BCKDHB: variants seen among roughly 807,000 people sequenced by gnomAD.
BCKDHB encodes 2-oxoisovalerate dehydrogenase subunit beta, mitochondrial.
BCKDHB carries 41 observed loss-of-function variants against 48.5 expected under a neutral mutation model. That is an observed-to-expected ratio of 0.85 (90% CI 0.66 to 1.10). BCKDHB has a LOEUF of 1.10. Among genes scored for constraint, BCKDHB ranks in the 50% least tolerant of loss-of-function variants. BCKDHB has a pLI of 0.00. For missense variants in BCKDHB, 496 were observed against 494.2 expected (o/e 1.00, Z -0.03); for synonymous variants, 201 against 174.8 (o/e 1.15, Z -1.18).
At chr6:80,305,222 G>A (rs144021025) in intron 9 of BCKDHB, among the ~76,000 whole-genome samples, 166 of 152,186 alleles carry the variant, frequency 1.1e-3, no homozygotes, top group African/African-American at 3.8e-3. Context: ...ATCTATGGTA[G>A]TGACTATAGG....
chr6:80,307,508 CT>C, intron 9 of BCKDHB: 3 of 984,828 alleles, frequency 3.0e-6, no homozygotes, highest in Non-Finnish European at 3.6e-6. Flanking sequence ...GAAAGAACCT[CT>C]GTTAAATTTT....
Position 80,345,224 on chromosome 6 carries a change from GA to G in BCKDHB, c.*1423del, listed in dbSNP as rs1346737960. Reference sequence around the variant, plus strand: ...TTACTAGCACTGACACACTGATTTTGAAATGTTTCAAAATGAGTAGATATGA... The same window carrying G: ...TTACTAGCACTGACACACTGATTTTGAATGTTTCAAAATGAGTAGATATGA... On this transcript the variant is annotated 3_prime_UTR_variant, in exon 10 of 10. Coordinates refer to ENST00000320393, the MANE Select transcript of BCKDHB (RefSeq NM_183050.4). 6.6e-6 allele frequency: 1 copy of G among 152,076 alleles called. No individual in the cohort carries two copies. The highest frequency in any genetic ancestry group is 1.5e-5 in the Non-Finnish European group (1 of 67,992). The allele number at this position is 152,076 out of a possible 1,614,324, so 9.4% of individuals were successfully genotyped here.
chr6:80,208,467 A>C (rs1401124836), intron 8 of BCKDHB, among the ~76,000 whole-genome samples: 1 of 151,844 alleles, frequency 6.6e-6, no homozygotes, highest in East Asian at 1.9e-4. Flanking sequence ...GAAGTAATTA[A>C]GAGCAGAAAT....
chr6:80,338,451 G>A (rs950385400), intron 9 of BCKDHB, among the ~76,000 whole-genome samples: 3 of 152,148 alleles, frequency 2.0e-5, no homozygotes, highest in Non-Finnish European at 2.9e-5. Context: ...GGGCAGCACC[G>A]GACACTGCCT....
At chr6:80,191,042 G>C (rs1390833274) in intron 6 of BCKDHB, among the ~76,000 whole-genome samples, 1 of 152,140 alleles carries the variant, frequency 6.6e-6, no homozygotes, top group African/African-American at 2.4e-5. Context: ...GGGCTGTTGG[G>C]TCCAGCTCAG....
the BCKDHB span, among the ~76,000 whole-genome samples, chr6:80,455,998 G>A: frequency 7.8e-4 from 119 of 152,088 alleles, no homozygotes; most frequent in Non-Finnish European, 7.2e-4. Context: ...GCTGAGGTGG[G>A]TGGATCAGGA....
chr6:80,373,349 T>C, the BCKDHB span, among the ~76,000 whole-genome samples: 16 of 152,166 alleles, frequency 1.1e-4, no homozygotes, highest in Non-Finnish European at 1.5e-5. Flanking sequence ...TTTTCTTGGT[T>C]AATCTTGCTA....
the BCKDHB span, among the ~76,000 whole-genome samples, chr6:80,401,030 A>C: frequency 6.8e-6 from 1 of 147,016 alleles, no homozygotes; most frequent in African/African-American, 2.7e-5. Flanking sequence ...ATATAGACAC[A>C]AAAAGGGAAC....
the BCKDHB span, among the ~76,000 whole-genome samples, chr6:80,427,288 T>C: frequency 3.3e-5 from 5 of 152,058 alleles, no homozygotes; most frequent in Non-Finnish European, 7.4e-5. Context: ...GGAGTACCCA[T>C]ATTCAACTTA....
At chr6:80,182,155 T>G (rs1163842951) in intron 6 of BCKDHB, among the ~76,000 whole-genome samples, 1 of 152,218 alleles carries the variant, frequency 6.6e-6, no homozygotes, top group Non-Finnish European at 1.5e-5. Context: ...GTTCCAGATA[T>G]CTAAAGCCGG....
intron 3 of BCKDHB, among the ~76,000 whole-genome samples, chr6:80,160,752 G>A (rs1227650038): frequency 1.3e-5 from 2 of 152,162 alleles, no homozygotes; most frequent in African/African-American, 4.8e-5. Context: ...TCTTCAACAA[G>A]TGAGAAATTG....
chr6:80,374,705 A>T, the BCKDHB span: 3 of 341,146 alleles, frequency 8.8e-6, no homozygotes, highest in Non-Finnish European at 1.6e-5. Flanking sequence ...TTGTCACCCG[A>T]ATATCTAGGT....
the BCKDHB span, among the ~76,000 whole-genome samples, chr6:80,449,589 A>G: frequency 6.6e-6 from 1 of 152,236 alleles, no homozygotes; most frequent in African/African-American, 2.4e-5. Context: ...AGTTAGATCT[A>G]AAGACTTGAT....
At chr6:80,172,683 A>G (rs1772973987) in intron 6 of BCKDHB, among the ~76,000 whole-genome samples, 1 of 152,112 alleles carries the variant, frequency 6.6e-6, no homozygotes, top group Admixed American at 6.6e-5. Flanking sequence ...GTAGCATTTC[A>G]TTGTATGAAT....
chr6:80,249,712 A>G (rs183090753), intron 8 of BCKDHB, among the ~76,000 whole-genome samples: 1 of 152,282 alleles, frequency 6.6e-6, no homozygotes, highest in Admixed American at 6.5e-5. Flanking sequence ...TGTAATAGTG[A>G]TTTGAATGTA....
At chr6:80,398,725 T>A in the BCKDHB span, among the ~76,000 whole-genome samples, 25 of 151,018 alleles carry the variant, frequency 1.7e-4, no homozygotes, top group African/African-American at 5.9e-4. Flanking sequence ...GGATGACTCC[T>A]ACCCAACTCA....
At chr6:80,215,552 A>C (rs753363822) in intron 8 of BCKDHB, among the ~76,000 whole-genome samples, 1 of 152,218 alleles carries the variant, frequency 6.6e-6, no homozygotes, top group Non-Finnish European at 1.5e-5. Flanking sequence ...TATTTGTTGA[A>C]CCATCTGAAA....
intron 8 of BCKDHB, among the ~76,000 whole-genome samples, chr6:80,227,074 C>T (rs1384796581): frequency 2.6e-5 from 4 of 152,126 alleles, no homozygotes; most frequent in Non-Finnish European, 5.9e-5. Flanking sequence ...GTTAACACCT[C>T]TCTGGATACT....
chr6:80,187,173 TG>T (rs1317600803), intron 6 of BCKDHB, among the ~76,000 whole-genome samples: 16 of 152,224 alleles, frequency 1.1e-4, no homozygotes, highest in Non-Finnish European at 2.4e-4. Flanking sequence ...TTTAGATCTT[TG>T]TATTTCCTCT....
Sources: allele counts gnomAD v4.1 joint callset (sites outside exome capture counted in the v4.1 genomes callset), GRCh38; gene constraint gnomAD v4.1.1; transcripts MANE v1.5; gene names NCBI Gene and HGNC (gene_info 2026-07-23, HGNC 2026-07-21).